SFPQ: variants seen among roughly 807,000 people sequenced by gnomAD.
The protein encoded by SFPQ is splicing factor, proline- and glutamine-rich.
Under a neutral mutation model 72.9 loss-of-function variants are expected in SFPQ, and 11 were observed. The observed-to-expected ratio is 0.15, with a 90% CI of 0.09 to 0.25. SFPQ has a LOEUF of 0.25. Ranked by LOEUF, SFPQ falls within the 10% of genes least tolerant of loss-of-function variation. The probability of loss-of-function intolerance (pLI) is 1.00; values close to 1 mark genes in which losing one functional copy is unlikely to be tolerated. For synonymous variants in SFPQ, 506 were observed against 367.3 expected (o/e 1.38, Z -4.32); for missense variants, 847 against 993.3 (o/e 0.85, Z 1.98).
Position 35,192,741 on chromosome 1 carries a change from C to A in SFPQ, c.309G>T (p.Pro103=), listed in dbSNP as rs1640094334. The A allele has an allele frequency of 1.3e-6, 2 of 1,492,866 alleles. No individual in the cohort carries two copies. The highest frequency in any genetic ancestry group is 1.8e-6 in the Non-Finnish European group (2 of 1,127,516). 92.5% of individuals were successfully genotyped at this position (1,492,866 alleles called of 1,614,324 possible). A position where few individuals can be genotyped will look rare whatever the true frequency, so the allele number is the denominator to read the frequency against. ...CAACGACGGGCTTGGAAGAGTCCTG[C>A]GGCGGTGGCGGCGGCTGCTGCTGCT... ...PHQQQQPPPP[P]QDSSKPVVAQ... The change falls in exon 1 of 10, where the codon CCG becomes CCT. Residue 103 remains proline, a synonymous_variant. Coordinates refer to ENST00000357214, the MANE Select transcript of SFPQ (RefSeq NM_005066.3).
At chr1:35,177,640 CCTA>C (rs1639300735) in intron 4 of SFPQ, 1 of 154,020 alleles carries the variant, frequency 6.5e-6, no homozygotes, top group Non-Finnish European at 1.4e-5. Context: ...CTGACCTTCT[CCTA>C]CATTTTCTTA....
Position 35,189,080 on chromosome 1 carries a change from C to G in SFPQ, c.1620G>C (p.Met540Ile). Reference sequence around the variant, plus strand: ...TGCGTCTTAATTCTTCCTGTCGTCTCATCAGATCTGAACATTGGAAAATAT... The same window carrying G: ...TGCGTCTTAATTCTTCCTGTCGTCTGATCAGATCTGAACATTGGAAAATAT... Reference protein sequence around the residue: ...HQANLLRQDLMRRQEELRRME... With the variant: ...HQANLLRQDLIRRQEELRRME... Residue 540 changes from methionine to isoleucine, a missense_variant, in exon 6 of 10, where the codon ATG becomes ATC. This residue lies in a region of SFPQ where 132 missense variants were observed against 255.4 expected (regional missense o/e 0.52). Coordinates refer to ENST00000357214, the MANE Select transcript of SFPQ (RefSeq NM_005066.3). 2 of 1,613,402 alleles carry G rather than the reference C, an allele frequency of 1.2e-6. No homozygotes were observed. Among genetic ancestry groups the G allele is most frequent in the South Asian group, 2.2e-5 (2 of 91,032 alleles).
At chr1:35,181,467 A>G (rs1282485608), downstream of SFPQ, 5 of 1,063,638 alleles carry the variant, frequency 4.7e-6, no homozygotes, top group East Asian at 2.5e-4. Flanking sequence ...CAATACATCT[A>G]TAAAGAGTGG....
chr1:35,192,096 C>T (rs1640036599), intron 1 of SFPQ, 126 bp downstream of exon 1: 1 of 768,910 alleles, frequency 1.3e-6, no homozygotes. Flanking sequence ...GCCCCGCCCC[C>T]GCAGCGGCGC....
downstream of SFPQ, chr1:35,180,944 A>G (rs2148606633): frequency 1.0e-6 from 1 of 985,348 alleles, no homozygotes; most frequent in South Asian, 4.7e-5. Context: ...GAGAACTGCA[A>G]CAGCACTGAA....
downstream of SFPQ, chr1:35,182,808 T>C: frequency 9.5e-7 from 1 of 1,051,336 alleles, no homozygotes; most frequent in African/African-American, 1.7e-5. Context: ...CTAACATATT[T>C]ACACTGGGAA....
At chr1:35,192,183 T>G in intron 1 of SFPQ, 39 bp downstream of exon 1, 3 of 1,357,228 alleles carry the variant, frequency 2.2e-6, no homozygotes, top group Non-Finnish European at 1.9e-6. Flanking sequence ...GCCGCCGCCA[T>G]CTTAGGGGAG....
chr1:35,182,326 T>C (rs1445854505), downstream of SFPQ: 4 of 985,304 alleles, frequency 4.1e-6, no homozygotes, highest in Non-Finnish European at 4.8e-6. Flanking sequence ...ATCTCTTATG[T>C]ATCACCAATT....
Position 35,189,031 on chromosome 1 carries a change from T to C in SFPQ, c.1669A>G (p.Met557Val). 2 of 1,612,470 alleles carry C rather than the reference T, an allele frequency of 1.2e-6. No individual in the cohort carries two copies. Among genetic ancestry groups the C allele is most frequent in the South Asian group, 1.1e-5 (1 of 90,996 alleles). ...RRMEELHNQE[M>V]QKRKEMQLRQ... ...AATTGCATTTCTTTACGTTTCTGCA[T>C]TTCTTGATTGTGAAGTTCTTCCATG... Residue 557 changes from methionine (M) to valine (V), a missense_variant, in exon 6 of 10, where the codon ATG becomes GTG. This residue lies in a region of SFPQ where 132 missense variants were observed against 255.4 expected (regional missense o/e 0.52). Transcript: ENST00000357214.
rs913327024 is a variant in SFPQ at position 35,182,965 on chromosome 1, G to T, written c.*1491C>A. 2.4e-5 allele frequency: 25 copies of T among 1,042,996 alleles called. No individual in the cohort carries two copies. Among genetic ancestry groups the T allele is most frequent in the Non-Finnish European group, 2.9e-5 (25 of 865,324 alleles). The allele number at this position is 1,042,996 out of a possible 1,614,324, so 64.6% of individuals were successfully genotyped here. ...TTCCAAGCCTTTATGGTGGGAGGAA[G>T]GGATATTTGTACTGTGTAGCATGAG... On this transcript the variant is annotated 3_prime_UTR_variant, in exon 10 of 10. Coordinates refer to ENST00000357214, the MANE Select transcript of SFPQ (RefSeq NM_005066.3).
In SFPQ at chr1:35,183,226, T is replaced by C. The variant is rs1570114078; in HGVS notation, c.*1230A>G. 5 of 225,638 alleles carry C rather than the reference T, an allele frequency of 2.2e-5. No homozygotes were observed. Among genetic ancestry groups the C allele is most frequent in the Non-Finnish European group, 2.8e-5 (5 of 178,590 alleles). 14.0% of individuals were successfully genotyped at this position (225,638 alleles called of 1,614,324 possible). A position where few individuals can be genotyped will look rare whatever the true frequency, so the allele number is the denominator to read the frequency against. The stretch of plus-strand genomic sequence containing the variant: ...ACTAAACCTACTTCAGTACTAAACC[T>C]TTTTTTTTTTTTGAGACAGAGTCTC... On this transcript the variant is annotated 3_prime_UTR_variant, in exon 10 of 10. Transcript: ENST00000357214.
intron 4 of SFPQ, 112 bp downstream of exon 4, chr1:35,190,386 A>G (rs1332967423): frequency 1.4e-6 from 1 of 696,822 alleles, no homozygotes; most frequent in African/African-American, 1.8e-5. Flanking sequence ...ACTAATAAGC[A>G]TATCCACATC....
In SFPQ at chr1:35,192,991, C is replaced by G. The variant is rs1244780159; in HGVS notation, c.59G>C (p.Gly20Ala). The change falls in exon 1 of 10, where the codon GGA becomes GCA. Residue 20 changes from glycine (G) to alanine (A), a missense_variant. Coordinates refer to ENST00000357214, the MANE Select transcript of SFPQ (RefSeq NM_005066.3). ...GAGGCCGCCGCGGCCGCCGCCTCCTCCACGCCTGTGGAAGCCACCACCGCC... is the reference window on the plus strand; with the variant it reads ...GAGGCCGCCGCGGCCGCCGCCTCCTGCACGCCTGTGGAAGCCACCACCGCC... Reference protein sequence around the residue: ...GGGGGGFHRRGGGGGRGGLHD... With the variant: ...GGGGGGFHRRAGGGGRGGLHD... 8 of 1,576,006 alleles carry G rather than the reference C, an allele frequency of 5.1e-6. No individual in the cohort carries two copies. Among genetic ancestry groups the G allele is most frequent in the African/African-American group, 1.3e-5 (1 of 74,158 alleles).
rs1208225390 is a variant in SFPQ, at chr1:35,183,342, C to T, written c.*1114G>A. ...AAGCAATTCTCCTGGCTCAGCCTCC[C>T]GAGTAGCTGGGATTACAGGCGCCTG... is the stretch of plus-strand genomic sequence containing the variant. On this transcript the variant is annotated 3_prime_UTR_variant, in exon 10 of 10. Transcript: ENST00000357214. 3 of 310,030 alleles carry T rather than the reference C, an allele frequency of 9.7e-6. No homozygotes were observed. Among genetic ancestry groups the T allele is most frequent in the East Asian group, 1.0e-4 (1 of 9,750 alleles). 19.2% of individuals were successfully genotyped at this position (310,030 alleles called of 1,614,324 possible).
intron 6 of SFPQ, 58 bp from the exon 7 acceptor site, chr1:35,188,148 T>C (rs1557802534): frequency 1.5e-6 from 2 of 1,319,086 alleles, no homozygotes; most frequent in Non-Finnish European, 1.1e-6. Context: ...TAGAATTCAA[T>C]GTGAAGAAAC....
intron 9 of SFPQ, among the ~76,000 whole-genome samples, chr1:35,185,719 A>G (rs1325723112): frequency 6.6e-6 from 1 of 152,220 alleles, no homozygotes; most frequent in African/African-American, 2.4e-5. Flanking sequence ...GAGCTACTCA[A>G]CATGACTAAA....
At chr1:35,189,646 C>T (rs1228899512) in intron 4 of SFPQ, among the ~76,000 whole-genome samples, 1 of 151,938 alleles carries the variant, frequency 6.6e-6, no homozygotes, top group Non-Finnish European at 1.5e-5. Context: ...TTATTTTTTC[C>T]ACCCATAAAA....
chr1:35,188,133 T>C, intron 6 of SFPQ, 43 bp from the exon 7 acceptor site: 1 of 1,401,032 alleles, frequency 7.1e-7, no homozygotes, highest in South Asian at 1.2e-5. Flanking sequence ...GTTATCCACA[T>C]CTTTTAGAAT....
downstream of SFPQ, chr1:35,179,059 T>C (rs1434837600): frequency 9.5e-7 from 1 of 1,058,000 alleles, no homozygotes; most frequent in Non-Finnish European, 1.1e-6. Flanking sequence ...ATTCTTTCCC[T>C]AATAGGCAGC....
Sources: gnomAD v4.1 joint callset for allele counts (sites outside exome capture counted in the v4.1 genomes callset) on GRCh38, gnomAD v4.1.1 for gene constraint, gnomAD v4.1.1 regional missense constraint, MANE v1.5 for transcripts, NCBI Gene and HGNC (gene_info 2026-07-23, HGNC 2026-07-21) for gene names.